The following PTGES3 variants were observed in gnomAD, a reference collection of about 807,000 sequenced individuals.
The protein encoded by PTGES3 is Hsp90 co-chaperone.
In PTGES3, 5 loss-of-function variants were observed where a neutral mutation model predicts 29.9. That is an observed-to-expected ratio of 0.17 (90% CI 0.09 to 0.35). PTGES3 has a LOEUF of 0.35. PTGES3 is among the 10% of genes least tolerant of loss of function. The pLI is 1.00. For missense variants in PTGES3, 128 were observed against 190.0 expected, an observed-to-expected ratio of 0.67 and a Z score of 1.92; for synonymous variants, 49 against 57.8, an observed-to-expected ratio of 0.85 and a Z score of 0.69.
At chr12:56,668,339 G>A (rs891591611) in intron 5 of PTGES3, among the ~76,000 whole-genome samples, 6 of 152,176 alleles carry the variant, frequency 3.9e-5, no homozygotes, top group African/African-American at 1.4e-4. Flanking sequence ...ACGTGCTTAA[G>A]ATAAACAGCA....
chr12:56,666,767 C>T (rs1592239632), intron 5 of PTGES3, among the ~76,000 whole-genome samples: 1 of 152,130 alleles, frequency 6.6e-6, no homozygotes, highest in African/African-American at 2.4e-5. Flanking sequence ...GCTGGGATTA[C>T]AGGCGCGTAC....
chr12:56,664,348 G>A lies in PTGES3; in HGVS notation c.*131C>T. ...AAGCCTTTTAAAAAACAAACAGGTT[G>A]AAAAATGGGTTAAAGTAGGCAAATA... is the stretch of plus-strand genomic sequence containing the variant. On this transcript the variant is annotated 3_prime_UTR_variant, in exon 8 of 8. Transcript: ENST00000262033. The A allele has an allele frequency of 1.8e-6, 2 of 1,083,840 alleles. No individual in the cohort carries two copies. Among genetic ancestry groups the A allele is most frequent in the East Asian group, 2.5e-5 (1 of 39,778 alleles). The allele number at this position is 1,083,840 out of a possible 1,614,324, so 67.1% of individuals were successfully genotyped here. A position where few individuals can be genotyped will look rare whatever the true frequency, so the allele number is the denominator to read the frequency against.
chr12:56,672,563 GCAAAAA>G (rs1378691301), intron 3 of PTGES3, among the ~76,000 whole-genome samples, 171 bp downstream of exon 3: 2 of 152,010 alleles, frequency 1.3e-5, no homozygotes, highest in Admixed American at 6.6e-5. Context: ...AACAGTGATA[GCAAAAA>G]CAAAAAGTAT....
At chr12:56,677,045 G>A (rs762810159) in intron 1 of PTGES3, among the ~76,000 whole-genome samples, 33 of 151,374 alleles carry the variant, frequency 2.2e-4, no homozygotes, top group Non-Finnish European at 4.4e-4. Context: ...AGACCAGCCT[G>A]GCCAACCACC....
At chr12:56,669,503 G>A (rs937356396) in intron 5 of PTGES3, among the ~76,000 whole-genome samples, 10 of 152,262 alleles carry the variant, frequency 6.6e-5, no homozygotes, top group South Asian at 2.1e-4. Context: ...GGCTGGTCTT[G>A]AACTCCTGAC....
chr12:56,674,067 A>T lies in PTGES3; in HGVS notation c.3-1002T>A, dbSNP rs2137638422. Among the ~76,000 whole-genome samples the T allele has an allele frequency of 1.3e-5, 2 of 152,308 alleles. 1 individual carries two copies. Among genetic ancestry groups the T allele is most frequent in the Middle Eastern group, 6.8e-3 (2 of 294 alleles). On this transcript the variant is annotated intron_variant, in intron 1 of 7. Transcript: ENST00000262033. ...TCAATCTCCTTTCCTCAAATTCAGC[A>T]ATCTAGAATTTTATCAGTTTCCTCA... is the stretch of plus-strand genomic sequence containing the variant.
intron 6 of PTGES3, chr12:56,665,712 G>A: frequency 2.2e-6 from 2 of 907,742 alleles, no homozygotes; most frequent in Non-Finnish European, 2.6e-6. Context: ...TGTGATCTTG[G>A]CTCACTGCAA....
Position 56,664,775 on chromosome 12 carries a change from C to G in PTGES3, c.463+1G>C. On this transcript the variant is annotated splice_donor_variant, in intron 7 of 7. Transcript: ENST00000262033. LOFTEE classifies it high-confidence loss of function. ...TAAACATACTTTTTATATACACTTA[C>G]TTTCATCATCACTGTCTTGTGAATC... 6.3e-7 allele frequency: 1 copy of G among 1,595,342 alleles called. No individual in the cohort carries two copies. Among genetic ancestry groups the G allele is most frequent in the Non-Finnish European group, 8.6e-7 (1 of 1,166,920 alleles).
rs1391445616 is a variant in PTGES3, at chr12:56,664,839, A to G, written c.439-39T>C. ...AATAAAGTTACCGAGCTGATCAAAT[A>G]TTCGTTTGCTAACTGAACAGTTTAC... On this transcript the variant is annotated intron_variant, in intron 6 of 7. Coordinates refer to ENST00000262033, the MANE Select transcript of PTGES3 (RefSeq NM_006601.7). 7.5e-6 allele frequency: 12 copies of G among 1,590,508 alleles called. No individual in the cohort carries two copies. The South Asian group carries it at 1.4e-4, about 18-fold the overall frequency.
At chr12:56,687,784 G>C (rs1952952778) in intron 1 of PTGES3, 3 of 1,386,250 alleles carry the variant, frequency 2.2e-6, no homozygotes, top group Non-Finnish European at 2.8e-6. Context: ...GGGAAGCCAA[G>C]GAACGGTTCA....
rs1951683175 is a variant in PTGES3, at chr12:56,663,564, T to A, written c.*915A>T. The A allele has an allele frequency of 6.6e-6, 1 of 152,560 alleles. No homozygotes were observed. Among genetic ancestry groups the A allele is most frequent in the Non-Finnish European group, 1.5e-5 (1 of 68,024 alleles). The allele number at this position is 152,560 out of a possible 1,614,324, so 9.5% of individuals were successfully genotyped here. On this transcript the variant is annotated 3_prime_UTR_variant, in exon 8 of 8. Transcript: ENST00000262033. The stretch of plus-strand genomic sequence containing the variant: ...CAGTAAATGGTAAATACATAAAAAT[T>A]ACAGTAAGCCAGACACTTAAAAGGA...
At chr12:56,676,228 C>CA (rs1250623672) in intron 1 of PTGES3, among the ~76,000 whole-genome samples, 7 of 73,510 alleles carry the variant, frequency 9.5e-5, no homozygotes, top group Non-Finnish European at 1.8e-4. Context: ...TGTGTCTCCC[C>CA]CCCCAAAAAA....
At chr12:56,686,133 C>G (rs1328444850) in intron 1 of PTGES3, among the ~76,000 whole-genome samples, 3 of 152,020 alleles carry the variant, frequency 2.0e-5, no homozygotes, top group Admixed American at 6.6e-5. Context: ...CCGTTCCTTA[C>G]CTATTTAAAT....
chr12:56,685,823 C>G (rs183158088), intron 1 of PTGES3, among the ~76,000 whole-genome samples: 4 of 129,300 alleles, frequency 3.1e-5, no homozygotes, highest in Non-Finnish European at 6.2e-5. Flanking sequence ...ATTGCCCAGG[C>G]TGGAGTACAA....
chr12:56,686,215 T>C (rs1434521361), intron 1 of PTGES3, among the ~76,000 whole-genome samples: 1 of 152,006 alleles, frequency 6.6e-6, no homozygotes, highest in Non-Finnish European at 1.5e-5. Flanking sequence ...AAAAGATATG[T>C]TGTTTGGCTC....
intron 5 of PTGES3, among the ~76,000 whole-genome samples, chr12:56,666,953 T>C (rs1951814493): frequency 6.6e-6 from 1 of 151,790 alleles, no homozygotes; most frequent in African/African-American, 2.4e-5. Flanking sequence ...GGAGTCTTGC[T>C]CTGTTGCCCA....
At chr12:56,664,711 C>A (rs536827224) in intron 7 of PTGES3, 65 bp downstream of exon 7, 15 of 1,534,562 alleles carry the variant, frequency 9.8e-6, no homozygotes, top group African/African-American at 6.9e-5. Context: ...GTTAACATCT[C>A]TATTTTGAGT....
chr12:56,669,783 T>C (rs1951931480), intron 5 of PTGES3, among the ~76,000 whole-genome samples: 1 of 151,862 alleles, frequency 6.6e-6, no homozygotes, highest in African/African-American at 2.4e-5. Context: ...CTAATTTTTT[T>C]TGTATTTTAG....
chr12:56,668,820 G>A (rs1592243593), intron 5 of PTGES3, among the ~76,000 whole-genome samples: 1 of 151,774 alleles, frequency 6.6e-6, no homozygotes, highest in South Asian at 2.1e-4. Flanking sequence ...GTATGCATTC[G>A]ACTTATACAC....
Sources: gnomAD v4.1 joint callset for allele counts (sites outside exome capture counted in the v4.1 genomes callset) on GRCh38, gnomAD v4.1.1 for gene constraint, MANE v1.5 for transcripts, NCBI Gene and HGNC (gene_info 2026-07-23, HGNC 2026-07-21) for gene names.